Variants in MS4A1 observed in about 807,000 individuals in gnomAD.
The protein encoded by MS4A1 is B-lymphocyte antigen CD20.
A neutral mutation model predicts 26.5 loss-of-function variants in MS4A1; 16 were observed. That is an observed-to-expected ratio of 0.60 (90% confidence interval 0.41 to 0.92). MS4A1 has a LOEUF of 0.92. Among genes scored for constraint, MS4A1 ranks in the 40% least tolerant of loss-of-function variants. The pLI is 0.00. For synonymous variants in MS4A1, 128 were observed against 117.6 expected, an observed-to-expected ratio of 1.09 and a Z score of -0.57; for missense variants, 350 against 353.0, an observed-to-expected ratio of 0.99 and a Z score of 0.07.
rs758403019 is a variant in MS4A1 at position 60,470,421 on chromosome 11, T to C, written c.*1953T>C. On this transcript the variant is annotated 3_prime_UTR_variant, in exon 8 of 8. Transcript: ENST00000345732. ...TTTTTCTCCTCTTCTGAAATATATA[T>C]GAGGATTCCTCTCCAAACCCATGGT... 1.3e-5 allele frequency: 2 copies of C among 152,072 alleles called. No homozygotes were observed. The highest frequency in any genetic ancestry group is 4.8e-5 in the African/African-American group (2 of 41,450). 9.4% of individuals were successfully genotyped at this position (152,072 alleles called of 1,614,324 possible).
rs1422691427 is a variant in MS4A1, at chr11:60,469,195, TG to T, written c.*728del. On this transcript the variant is annotated 3_prime_UTR_variant, in exon 8 of 8. Transcript: ENST00000345732. ...AAAAGAAAAAAATGACCATAGAAAA[TG>T]CCACCATGAGGTGCCCAAATTTCAA... 6.6e-6 allele frequency: 1 copy of T among 152,162 alleles called. No homozygotes were observed. Among genetic ancestry groups the T allele is most frequent in the Admixed American group, 6.5e-5 (1 of 15,278 alleles). 9.4% of individuals were successfully genotyped at this position (152,162 alleles called of 1,614,324 possible). A position where few individuals can be genotyped will look rare whatever the true frequency, so the allele number is the denominator to read the frequency against.
chr11:60,462,106 A>G (rs561975857), intron 2 of MS4A1, 79 bp from the exon 3 acceptor site: 1 of 555,894 alleles, frequency 1.8e-6, no homozygotes, highest in African/African-American at 1.9e-5. Flanking sequence ...AATGCCCCAA[A>G]CCCAGTTGTC....
At chr11:60,467,924 T>C (rs1169300525) in intron 7 of MS4A1, among the ~76,000 whole-genome samples, 1 of 152,194 alleles carries the variant, frequency 6.6e-6, no homozygotes. Context: ...AAAATTATTC[T>C]CCCAGAGTTA....
At position 60,465,927 on chromosome 11, in the gene MS4A1, G is replaced by A; in HGVS notation, c.343G>A (p.Gly115Arg). 1 of 1,612,426 alleles carries A rather than the reference G, an allele frequency of 6.2e-7. No individual in the cohort carries two copies. The highest frequency in any genetic ancestry group is 8.5e-7 in the Non-Finnish European group (1 of 1,178,870). ...ATCTGTGTCTCCATTTCAGGTCAAA[G>A]GAAAAATGATAATGAATTCATTGAG... is the stretch of plus-strand genomic sequence containing the variant. ...EKNSRKCLVK[G>R]KMIMNSLSLF... is the part of the protein sequence containing the mutation. Residue 115 changes from glycine (G) to arginine (R), a missense_variant, in exon 6 of 8, where the codon GGA becomes AGA. Coordinates refer to ENST00000345732, the MANE Select transcript of MS4A1 (RefSeq NM_152866.3).
At chr11:60,457,553 C>T (rs530473145) in intron 1 of MS4A1, among the ~76,000 whole-genome samples, 2 of 152,230 alleles carry the variant, frequency 1.3e-5, no homozygotes, top group East Asian at 1.9e-4. Flanking sequence ...AAATGTATTG[C>T]AGAGGTAGAA....
intron 1 of MS4A1, among the ~76,000 whole-genome samples, chr11:60,456,640 G>T (rs2086206001): frequency 6.6e-6 from 1 of 152,134 alleles, no homozygotes; most frequent in Non-Finnish European, 1.5e-5. Flanking sequence ...GGAAAACAAG[G>T]ATTAATTTTA....
chr11:60,463,100 C>T lies in MS4A1; in HGVS notation c.258C>T (p.Tyr86=), dbSNP rs775083698. The part of the protein sequence containing the change: ...IYAPICVTVW[Y]PLWGGIMYII... The stretch of plus-strand genomic sequence containing the variant: ...CACCCATCTGTGTGACTGTGTGGTA[C>T]CCTCTCTGGGGAGGCATTATGGTGA... Residue 86 remains tyrosine (Y), a synonymous_variant, in exon 4 of 8, where the codon TAC becomes TAT. Transcript: ENST00000345732. 3 of 1,614,156 alleles carry T rather than the reference C, an allele frequency of 1.9e-6. No individual in the cohort carries two copies. Among genetic ancestry groups the T allele is most frequent in the Admixed American group, 1.7e-5 (1 of 60,026 alleles).
intron 1 of MS4A1, among the ~76,000 whole-genome samples, chr11:60,459,160 A>G (rs1366888044): frequency 6.6e-6 from 1 of 152,208 alleles, no homozygotes; most frequent in Non-Finnish European, 1.5e-5. Context: ...TTCAGTTCAA[A>G]CAATTGATGA....
chr11:60,460,016 G>A (rs1199988679), intron 1 of MS4A1, among the ~76,000 whole-genome samples: 3 of 151,992 alleles, frequency 2.0e-5, no homozygotes, highest in Non-Finnish European at 4.4e-5. Context: ...GAGGTGGAGG[G>A]GGGCAGATTG....
At chr11:60,464,518 T>C (rs1330210089) in intron 5 of MS4A1, among the ~76,000 whole-genome samples, 174 bp downstream of exon 5, 2 of 152,192 alleles carry the variant, frequency 1.3e-5, no homozygotes, top group African/African-American at 4.8e-5. Context: ...GCGAGGTCTA[T>C]CTGAAGTATG....
At position 60,468,863 on chromosome 11, in the gene MS4A1, CT is replaced by C. The variant is rs559584718; in HGVS notation, c.*403del. On this transcript the variant is annotated 3_prime_UTR_variant, in exon 8 of 8. Coordinates refer to ENST00000345732, the MANE Select transcript of MS4A1 (RefSeq NM_152866.3). ...CTGCTTCATGACATTCCTAAACTAT[CT>C]TTTTTTTATTCCACATCTACGTTTT... 76 of 186,644 alleles carry C rather than the reference CT, an allele frequency of 4.1e-4. No individual in the cohort carries two copies. Among genetic ancestry groups the C allele is most frequent in the Non-Finnish European group, 7.0e-4 (62 of 88,808 alleles). The allele number at this position is 186,644 out of a possible 1,614,324, so 11.6% of individuals were successfully genotyped here.
At chr11:60,462,772 C>T (rs1159403680) in intron 3 of MS4A1, among the ~76,000 whole-genome samples, 1 of 152,178 alleles carries the variant, frequency 6.6e-6, no homozygotes, top group Non-Finnish European at 1.5e-5. Flanking sequence ...GCAGGGGTCC[C>T]CCATCCCAGT....
At chr11:60,459,297 T>A (rs1255540583) in intron 1 of MS4A1, among the ~76,000 whole-genome samples, 1 of 152,238 alleles carries the variant, frequency 6.6e-6, no homozygotes, top group Non-Finnish European at 1.5e-5. Flanking sequence ...CATTTCTTCA[T>A]CTGCAGAAAG....
chr11:60,458,650 A>G (rs1250852908), intron 1 of MS4A1, among the ~76,000 whole-genome samples: 1 of 152,224 alleles, frequency 6.6e-6, no homozygotes, highest in Non-Finnish European at 1.5e-5. Context: ...GTCATTGTGA[A>G]CAATTTATTT....
At chr11:60,458,009 C>T (rs143219179) in intron 1 of MS4A1, 21 of 152,314 alleles carry the variant, frequency 1.4e-4, no homozygotes, top group African/African-American at 5.1e-4. Context: ...CAAAATGATA[C>T]TTTGAAATGG....
In MS4A1 at chr11:60,463,043, G is replaced by A. The variant is rs1333964895; in HGVS notation, c.201G>A (p.Gly67=). 3.7e-6 allele frequency: 6 copies of A among 1,614,108 alleles called. No homozygotes were observed. The Admixed American group carries it at 6.7e-5, about 18-fold the overall frequency. Reference sequence around the variant, plus strand: ...ATGGGCTCTTCCACATTGCCCTGGGGGGTCTTCTGATGATCCCAGCAGGGA... The same window carrying A: ...ATGGGCTCTTCCACATTGCCCTGGGAGGTCTTCTGATGATCCCAGCAGGGA... The part of the protein sequence containing the change: ...IMNGLFHIAL[G]GLLMIPAGIY... The change falls in exon 4 of 8, where the codon GGG becomes GGA. Residue 67 remains glycine (G), a synonymous_variant. Transcript: ENST00000345732.
chr11:60,457,224 A>T (rs1590841581), intron 1 of MS4A1, among the ~76,000 whole-genome samples: 2 of 152,166 alleles, frequency 1.3e-5, no homozygotes, highest in Admixed American at 1.3e-4. Flanking sequence ...AAAGTTGAGA[A>T]GATTCAGGAA....
intron 4 of MS4A1, 149 bp downstream of exon 4, chr11:60,463,270 C>G: frequency 8.6e-7 from 1 of 1,160,812 alleles, no homozygotes; most frequent in Admixed American, 2.0e-5. Context: ...GACAGGTTGA[C>G]CAAATTGAGT....
At chr11:60,467,182 T>A (rs897148523) in intron 7 of MS4A1, 122 bp downstream of exon 7, 118 of 786,610 alleles carry the variant, frequency 1.5e-4, no homozygotes, top group Middle Eastern at 2.3e-4. Context: ...AAAAAAAAAA[T>A]TGGTCTTGGC....
Sources: allele counts gnomAD v4.1 joint callset (sites outside exome capture counted in the v4.1 genomes callset), GRCh38; gene constraint gnomAD v4.1.1; transcripts MANE v1.5; gene names NCBI Gene and HGNC (gene_info 2026-07-23, HGNC 2026-07-21).